INSR: variants seen among roughly 807,000 people sequenced by gnomAD.
INSR encodes IR.
In INSR, 67 loss-of-function variants were observed where a neutral mutation model predicts 142.6. The observed-to-expected ratio is 0.47, with a 90% CI of 0.39 to 0.58. The LOEUF is 0.58. INSR is among the 20% of genes least tolerant of loss of function. The probability of loss-of-function intolerance (pLI) is 0.00; values close to 1 mark genes in which losing one functional copy is unlikely to be tolerated. For missense variants in INSR, 1,248 were observed against 1,833.2 expected (o/e 0.68, Z 5.83); for synonymous variants, 756 against 743.1 (o/e 1.02, Z -0.28).
Position 7,126,595 on chromosome 19 carries a change from C to T in INSR, c.3002G>A (p.Ser1001Asn), listed in dbSNP as rs1398761702. ...LYASSNPEYL[S>N]ASDVFPCSVY... ...GGGATGGTACTCACCATCACTGGCA[C>T]TGAGATACTCAGGGTTTGAAGAAGC... is the stretch of plus-strand genomic sequence containing the variant. Residue 1001 changes from serine to asparagine, a missense_variant, in exon 16 of 22, where the codon AGT becomes AAT. Coordinates refer to ENST00000302850, the MANE Select transcript of INSR (RefSeq NM_000208.4). 6.4e-7 allele frequency: 1 copy of T among 1,560,252 alleles called. No individual in the cohort carries two copies.
intron 2 of INSR, among the ~76,000 whole-genome samples, chr19:7,242,799 A>T (rs1392868473): frequency 6.6e-6 from 1 of 152,008 alleles, no homozygotes; most frequent in Non-Finnish European, 1.5e-5. Flanking sequence ...GAAACCAAAA[A>T]TATTTGCATG....
At chr19:7,149,697 C>T (rs1032298383) in intron 11 of INSR, among the ~76,000 whole-genome samples, 1 of 151,992 alleles carries the variant, frequency 6.6e-6, no homozygotes, top group Non-Finnish European at 1.5e-5. Context: ...TGGCGCATGC[C>T]TGTAATCCCA....
Position 7,174,707 on chromosome 19 carries a change from A to C in INSR, c.999T>G (p.Gly333=). The C allele has an allele frequency of 1.2e-6, 2 of 1,612,692 alleles. No individual in the cohort carries two copies. The highest frequency in any genetic ancestry group is 1.7e-6 in the Non-Finnish European group (2 of 1,179,514). Residue 333 remains glycine (G), a synonymous_variant, in exon 4 of 22, where the codon GGT becomes GGG. Coordinates refer to ENST00000302850, the MANE Select transcript of INSR (RefSeq NM_000208.4). The stretch of plus-strand genomic sequence containing the variant: ...GGAGGTGGCACACCTTGGGACAGGG[A>C]CCCAGGCATGGGGTGCACAGCAAGC... The part of the protein sequence containing the change: ...SSNLLCTPCL[G]PCPKVCHLLE...
In INSR at chr19:7,136,489, T is replaced by C. The variant is rs76574096; in HGVS notation, c.2683-4172A>G. On this transcript the variant is annotated intron_variant, in intron 13 of 21. Coordinates refer to ENST00000302850, the MANE Select transcript of INSR (RefSeq NM_000208.4). Reference sequence around the variant, plus strand: ...ACTGGTCACCCTGTTGGCACTGGATTTAACTCGAATCCTAACTTCTCCTAG... The same window carrying C: ...ACTGGTCACCCTGTTGGCACTGGATCTAACTCGAATCCTAACTTCTCCTAG... Among the ~76,000 whole-genome samples the C allele has an allele frequency of 6.1e-3, 924 of 152,172 alleles. 6 individuals carry two copies. The highest frequency in any genetic ancestry group is 0.042 in the East Asian group (218 of 5,176).
At chr19:7,275,056 A>G (rs931670781) in intron 1 of INSR, among the ~76,000 whole-genome samples, 1 of 151,292 alleles carries the variant, frequency 6.6e-6, no homozygotes, top group Non-Finnish European at 1.5e-5. Context: ...GCTCACTGCA[A>G]CCTCTGCCGC....
At chr19:7,292,009 G>A (rs1200150859) in intron 1 of INSR, among the ~76,000 whole-genome samples, 4 of 151,882 alleles carry the variant, frequency 2.6e-5, no homozygotes, top group Non-Finnish European at 5.9e-5. Flanking sequence ...TAGCCAGGAT[G>A]GTCGTGATCT....
intron 11 of INSR, among the ~76,000 whole-genome samples, chr19:7,144,520 C>T (rs1182207845): frequency 6.6e-6 from 1 of 152,098 alleles, no homozygotes; most frequent in Admixed American, 6.6e-5. Flanking sequence ...TCTCCTGCCT[C>T]AGCCTCCTGA....
chr19:7,224,465 A>G (rs905910225), intron 2 of INSR, among the ~76,000 whole-genome samples: 20 of 152,054 alleles, frequency 1.3e-4, no homozygotes, highest in African/African-American at 4.8e-4. Flanking sequence ...GGGCAACTCA[A>G]AGGTGTCGAG....
At chr19:7,141,871 T>C (rs968244461) in intron 12 of INSR, 55 bp from the exon 13 acceptor site, 1 of 1,435,208 alleles carries the variant, frequency 7.0e-7, no homozygotes, top group African/African-American at 1.4e-5. Flanking sequence ...AGATCCCACT[T>C]CTGCCACCTG....
chr19:7,128,708 G>A, intron 15 of INSR, 144 bp downstream of exon 15: 1 of 651,376 alleles, frequency 1.5e-6, no homozygotes. Flanking sequence ...ATCATATTAT[G>A]ACAATTATCT....
chr19:7,117,153 A>G lies in INSR; in HGVS notation c.4052T>C (p.Phe1351Ser). ...GATGTGTTCCTCGTAGCTCCGCTTG[A>G]AACCCAGCGAGGACCCTCCATCCCG... ...GGRDGGSSLG[F>S]KRSYEEHIPY... Residue 1351 changes from phenylalanine to serine, a missense_variant, in exon 22 of 22, where the codon TTC becomes TCC. Physicochemically the swap from Phe to Ser is radical, Grantham distance 155 (BLOSUM62 -2). Coordinates refer to ENST00000302850, the MANE Select transcript of INSR (RefSeq NM_000208.4). The G allele has an allele frequency of 6.2e-7, 1 of 1,613,940 alleles. No homozygotes were observed. Among genetic ancestry groups the G allele is most frequent in the Non-Finnish European group, 8.5e-7 (1 of 1,179,944 alleles).
intron 11 of INSR, among the ~76,000 whole-genome samples, chr19:7,143,580 G>A (rs1368416549): frequency 6.6e-6 from 1 of 152,208 alleles, no homozygotes; most frequent in African/African-American, 2.4e-5. Context: ...TAGGGCACCT[G>A]TATAATTTGA....
At chr19:7,195,911 G>T (rs1599985713) in intron 2 of INSR, among the ~76,000 whole-genome samples, 1 of 147,174 alleles carries the variant, frequency 6.8e-6, no homozygotes, top group Admixed American at 7.0e-5. Flanking sequence ...TTATGTAAGA[G>T]AACTTTCTTT....
chr19:7,146,174 A>C (rs1034073444), intron 11 of INSR, among the ~76,000 whole-genome samples: 4 of 151,452 alleles, frequency 2.6e-5, no homozygotes, highest in African/African-American at 9.7e-5. Context: ...GGACATTTGA[A>C]TCTAACATCA....
chr19:7,285,321 G>A (rs1350179061), intron 1 of INSR, among the ~76,000 whole-genome samples: 1 of 152,088 alleles, frequency 6.6e-6, no homozygotes, highest in African/African-American at 2.4e-5. Flanking sequence ...GCATGGTGGC[G>A]TGCCTGTAAC....
intron 4 of INSR, 116 bp downstream of exon 4, chr19:7,174,467 C>T: frequency 8.4e-7 from 1 of 1,197,326 alleles, no homozygotes; most frequent in East Asian, 2.3e-5. Context: ...GAACGACCAT[C>T]CTAAAAGTGC....
intron 4 of INSR, 23 bp downstream of exon 4, chr19:7,174,560 G>A (rs372364996): frequency 5.0e-6 from 8 of 1,613,486 alleles, no homozygotes; most frequent in East Asian, 4.5e-5. Flanking sequence ...AGGCACCCCC[G>A]ACGCCCACAC....
At chr19:7,256,932 T>A (rs1315774126) in intron 2 of INSR, among the ~76,000 whole-genome samples, 1 of 29,576 alleles carries the variant, frequency 3.4e-5, no homozygotes, top group African/African-American at 1.7e-4. Flanking sequence ...CTACCCTACC[T>A]TTTTTTTTTT....
intron 19 of INSR, among the ~76,000 whole-genome samples, 162 bp from the exon 20 acceptor site, chr19:7,120,911 G>A (rs1003600682): frequency 6.6e-6 from 1 of 152,138 alleles, no homozygotes; most frequent in Non-Finnish European, 1.5e-5. Flanking sequence ...GGATTCTGAG[G>A]GTACGCATGG....
Sources: gnomAD v4.1 joint callset for allele counts (sites outside exome capture counted in the v4.1 genomes callset) on GRCh38, gnomAD v4.1.1 for gene constraint, MANE v1.5 for transcripts, NCBI Gene and HGNC (gene_info 2026-07-23, HGNC 2026-07-21) for gene names.